The following PPP6R2 variants were observed in gnomAD, a reference collection of about 807,000 sequenced individuals.
The protein encoded by PPP6R2 is protein phosphatase 6 regulatory subunit 2.
PPP6R2 carries 62 observed loss-of-function variants against 100.2 expected under a neutral mutation model. That is an observed-to-expected ratio of 0.62 (90% CI 0.50 to 0.76). The LOEUF is 0.76. Ranked by LOEUF, PPP6R2 falls within the 30% of genes least tolerant of loss-of-function variation. The pLI, the probability that PPP6R2 is intolerant of heterozygous loss-of-function variation, is 0.00. For missense variants in PPP6R2, 1,142 were observed against 1,276.3 expected (o/e 0.89, Z 1.60); for synonymous variants, 525 against 514.7 (o/e 1.02, Z -0.27).
intron 22 of PPP6R2, chr22:50,443,152 A>C (rs1424313745): frequency 6.6e-6 from 1 of 152,166 alleles, no homozygotes; most frequent in Non-Finnish European, 1.5e-5. Flanking sequence ...TGTCGGCAAA[A>C]ACAAAACCAA....
intron 4 of PPP6R2, among the ~76,000 whole-genome samples, chr22:50,409,322 C>G (rs2059418839): frequency 6.6e-6 from 1 of 152,196 alleles, no homozygotes; most frequent in Admixed American, 6.5e-5. Flanking sequence ...CTCTGTCACT[C>G]AGATTCCACA....
Position 50,438,169 on chromosome 22 carries a change from T to C in PPP6R2, c.1840-5T>C, listed in dbSNP as rs779013951. 2.5e-6 allele frequency: 4 copies of C among 1,609,226 alleles called. No homozygotes were observed. The Admixed American group carries it at 6.8e-5, about 27-fold the overall frequency. Reference sequence around the variant, plus strand: ...GGAAACTCACCTTGGCGTTTTACTCTGCAGCCCAGCGCAGCTCTGTTTGAG... The same window carrying C: ...GGAAACTCACCTTGGCGTTTTACTCCGCAGCCCAGCGCAGCTCTGTTTGAG... On this transcript the variant is annotated splice_polypyrimidine_tract_variant and splice_region_variant and intron_variant, in intron 17 of 23. Transcript: ENST00000612753.
the PPP6R2 span, among the ~76,000 whole-genome samples, chr22:50,336,196 G>A: frequency 1.2e-4 from 18 of 151,786 alleles, no homozygotes; most frequent in Middle Eastern, 6.8e-3. Flanking sequence ...CACCATGTTA[G>A]CCAGGATGGT....
chr22:50,420,217 G>A (rs771334843), intron 8 of PPP6R2, among the ~76,000 whole-genome samples: 9 of 152,174 alleles, frequency 5.9e-5, no homozygotes, highest in African/African-American at 1.4e-4. Flanking sequence ...GTGGAGCCTC[G>A]CAGTCAGGGA....
chr22:50,343,824 T>G (rs1184953574), intron 1 of PPP6R2, among the ~76,000 whole-genome samples: 1 of 11,506 alleles, frequency 8.7e-5, no homozygotes. Context: ...CCCAGTCAGT[T>G]CCCCCCCAGT....
At chr22:50,346,548 ACACCAGTCAGTGCTTCCTG>A (rs1368316651) in intron 1 of PPP6R2, among the ~76,000 whole-genome samples, 1 of 43,808 alleles carries the variant, frequency 2.3e-5, no homozygotes, top group African/African-American at 1.0e-4. Context: ...CCCCCACCCT[ACACCAGTCAGTGCTTCCTG>A]CACCAGTCAG....
chr22:50,414,913 C>T (rs2060312629), intron 5 of PPP6R2, among the ~76,000 whole-genome samples: 1 of 152,266 alleles, frequency 6.6e-6, no homozygotes, highest in African/African-American at 2.4e-5. Flanking sequence ...GAGGTCCCTT[C>T]TCCCCGCAGT....
chr22:50,426,386 CT>C (rs1208401509), intron 10 of PPP6R2, among the ~76,000 whole-genome samples: 2 of 152,200 alleles, frequency 1.3e-5, no homozygotes, highest in Admixed American at 1.3e-4. Context: ...TATCATGAAG[CT>C]TTTCCTCTAT....
At chr22:50,418,756 T>C in intron 6 of PPP6R2, 111 bp from the exon 7 acceptor site, 2 of 806,714 alleles carry the variant, frequency 2.5e-6, no homozygotes, top group South Asian at 3.1e-5. Flanking sequence ...ACAACGAAAG[T>C]CTAGCATCTG....
intron 1 of PPP6R2, among the ~76,000 whole-genome samples, chr22:50,360,991 G>C (rs2047676149): frequency 1.3e-5 from 2 of 152,180 alleles, no homozygotes; most frequent in Non-Finnish European, 2.9e-5. Flanking sequence ...ACCTTTAGGA[G>C]CTCTTCAAGA....
At chr22:50,403,231 C>A (rs1330317565) in intron 3 of PPP6R2, among the ~76,000 whole-genome samples, 2 of 152,108 alleles carry the variant, frequency 1.3e-5, no homozygotes, top group South Asian at 2.1e-4. Context: ...TCAGTTTGTT[C>A]CCTGTGGTAT....
chr22:50,388,926 A>G (rs2054850271), intron 2 of PPP6R2: 1 of 152,036 alleles, frequency 6.6e-6, no homozygotes, highest in Admixed American at 6.6e-5. Context: ...GTAATAGGGC[A>G]TTTCAGATTC....
At chr22:50,372,594 G>T (rs554312384) in intron 2 of PPP6R2, among the ~76,000 whole-genome samples, 40 of 152,238 alleles carry the variant, frequency 2.6e-4, no homozygotes, top group African/African-American at 9.6e-4. Flanking sequence ...CTCATGGTCT[G>T]TTGTCTTTTG....
At chr22:50,371,465 C>T (rs1036382977) in intron 1 of PPP6R2, among the ~76,000 whole-genome samples, 5 of 151,942 alleles carry the variant, frequency 3.3e-5, no homozygotes, top group Admixed American at 1.3e-4. Flanking sequence ...TACTGCTCTC[C>T]ACCCTGGGCA....
At chr22:50,366,311 CT>C (rs556380235) in intron 1 of PPP6R2, among the ~76,000 whole-genome samples, 1,594 of 137,460 alleles carry the variant, frequency 0.012, 5 homozygotes, top group Non-Finnish European at 0.012. Context: ...TCCCTCTCAT[CT>C]TTTTTTTTTT....
chr22:50,359,819 A>G (rs925099633), intron 1 of PPP6R2, among the ~76,000 whole-genome samples: 1 of 152,114 alleles, frequency 6.6e-6, no homozygotes, highest in African/African-American at 2.4e-5. Context: ...TGGTTTTGGT[A>G]TCAAGGTAAT....
chr22:50,370,539 G>A (rs887913274), intron 1 of PPP6R2, among the ~76,000 whole-genome samples: 6 of 151,994 alleles, frequency 3.9e-5, no homozygotes, highest in Non-Finnish European at 8.8e-5. Context: ...CACCCGCCTT[G>A]GCCTCCCAAA....
intron 19 of PPP6R2, 79 bp downstream of exon 19, chr22:50,438,841 T>C: frequency 7.2e-7 from 1 of 1,395,210 alleles, no homozygotes; most frequent in Non-Finnish European, 9.6e-7. Flanking sequence ...TTGTGGAGGC[T>C]TCATTTGGAG....
chr22:50,364,112 G>A (rs2048303182), intron 1 of PPP6R2, among the ~76,000 whole-genome samples: 1 of 151,962 alleles, frequency 6.6e-6, no homozygotes, highest in Non-Finnish European at 1.5e-5. Flanking sequence ...AACCAGGCTG[G>A]TCTCAAACTC....
Sources: gnomAD v4.1 joint callset for allele counts (sites outside exome capture counted in the v4.1 genomes callset) on GRCh38, gnomAD v4.1.1 for gene constraint, MANE v1.5 for transcripts, NCBI Gene and HGNC (gene_info 2026-07-23, HGNC 2026-07-21) for gene names.